Variants in ASXL1 observed in about 807,000 individuals in gnomAD.
The protein encoded by ASXL1 is polycomb group protein ASXL1.
A neutral mutation model predicts 89.1 loss-of-function variants in ASXL1; 65 were observed. The ratio of observed to expected loss-of-function variants is 0.73; its 90% confidence interval spans 0.60 to 0.90. The LOEUF (loss-of-function observed/expected upper bound fraction) is 0.90. Ranked by LOEUF, ASXL1 falls within the 40% of genes least tolerant of loss-of-function variation. The pLI, the probability that ASXL1 is intolerant of heterozygous loss-of-function variation, is 0.00. For missense variants in ASXL1, 1,786 were observed against 1,942.9 expected, an observed-to-expected ratio of 0.92 and a Z score of 1.52; for synonymous variants, 739 against 746.9, an observed-to-expected ratio of 0.99 and a Z score of 0.17.
In ASXL1 at chr20:32,435,007, G is replaced by C. The variant is rs1454403161; in HGVS notation, c.2295G>C (p.Leu765=). ...AGCCATGCCAGGCCTTGCCCCTACT[G>C]TCCTCCCAAACCTCAGTAGCTGAGA... ...GDQPCQALPL[L]SSQTSVAERL... Residue 765 remains leucine, a synonymous_variant, in exon 13 of 13, where the codon CTG becomes CTC. Coordinates refer to ENST00000375687, the MANE Select transcript of ASXL1 (RefSeq NM_015338.6). The C allele has an allele frequency of 2.5e-6, 4 of 1,614,072 alleles. No homozygotes were observed. Among genetic ancestry groups the C allele is most frequent in the Non-Finnish European group, 1.7e-6 (2 of 1,180,048 alleles).
chr20:32,435,402 A>G lies in ASXL1; in HGVS notation c.2690A>G (p.His897Arg), dbSNP rs750481621. Residue 897 changes from histidine to arginine, a missense_variant, in exon 13 of 13, where the codon CAT (histidine) becomes CGT (arginine). Coordinates refer to ENST00000375687, the MANE Select transcript of ASXL1 (RefSeq NM_015338.6). ...TKALVSNSSLHWIPIPSNDEV... is the reference protein window; with the variant it reads ...TKALVSNSSLRWIPIPSNDEV... ...GCTCTCGTTTCTAACAGTTCTTTGC[A>G]TTGGATACCCATCCCATCGAATGAT... is the stretch of plus-strand genomic sequence containing the variant. 1 of 1,614,190 alleles carries G rather than the reference A, an allele frequency of 6.2e-7. No individual in the cohort carries two copies. The highest frequency in any genetic ancestry group is 1.3e-5 in the African/African-American group (1 of 75,060).
intron 4 of ASXL1, among the ~76,000 whole-genome samples, chr20:32,418,182 A>T (rs897799873): frequency 1.1e-4 from 16 of 151,876 alleles, no homozygotes; most frequent in African/African-American, 3.6e-4. Context: ...TGTATCAAAA[A>T]AATAATAATA....
At chr20:32,424,733 T>A (rs1305945033) in intron 4 of ASXL1, among the ~76,000 whole-genome samples, 1 of 152,244 alleles carries the variant, frequency 6.6e-6, no homozygotes, top group Non-Finnish European at 1.5e-5. Context: ...CTGTACAGCT[T>A]TCTTTTAAAT....
At chr20:32,371,863 G>A in intron 4 of ASXL1, 1 of 434,842 alleles carries the variant, frequency 2.3e-6, no homozygotes, top group Non-Finnish European at 4.6e-6. Flanking sequence ...AAAGCACTGG[G>A]ATGGATTACA....
At chr20:32,364,141 A>G (rs939698369) in intron 1 of ASXL1, among the ~76,000 whole-genome samples, 1 of 152,168 alleles carries the variant, frequency 6.6e-6, no homozygotes, top group Non-Finnish European at 1.5e-5. Flanking sequence ...CCGGTGGGCC[A>G]GTGGACTTTG....
chr20:32,360,685 T>C (rs567829538), intron 1 of ASXL1: 1 of 160,406 alleles, frequency 6.2e-6, no homozygotes, highest in Non-Finnish European at 1.4e-5. Context: ...TAGTTGACTT[T>C]AGGAATTTGG....
intron 4 of ASXL1, among the ~76,000 whole-genome samples, chr20:32,422,339 A>T (rs958011383): frequency 2.0e-5 from 3 of 150,552 alleles, no homozygotes; most frequent in Non-Finnish European, 4.4e-5. Context: ...ACTTTAATTT[A>T]AAAAAATAGG....
chr20:32,412,459 G>C (rs2049064738), intron 4 of ASXL1, among the ~76,000 whole-genome samples: 3 of 152,086 alleles, frequency 2.0e-5, no homozygotes, highest in Admixed American at 2.0e-4. Flanking sequence ...ATCTGTCCTT[G>C]TGCCCCTTCA....
rs2011464141 is a variant in ASXL1 at position 32,429,848 on chromosome 20, G to C, written c.566-53G>C. On this transcript the variant is annotated intron_variant, in intron 7 of 12. Transcript: ENST00000375687. The surrounding 1 kb of genome is among the most constrained non-coding windows in gnomAD (Gnocchi z 4.9). ...CTGGGAGAAATGAGCTTGTCTGAGA[G>C]CCATGGGCGCGGCTTGGTGATACTT... 4 of 1,596,252 alleles carry C rather than the reference G, an allele frequency of 2.5e-6. No individual in the cohort carries two copies. The South Asian group carries it at 4.4e-5, about 18-fold the overall frequency.
chr20:32,435,524 C>G lies in ASXL1; in HGVS notation c.2812C>G (p.Pro938Ala). The G allele has an allele frequency of 6.2e-7, 1 of 1,614,056 alleles. No homozygotes were observed. Among genetic ancestry groups the G allele is most frequent in the Non-Finnish European group, 8.5e-7 (1 of 1,180,036 alleles). Residue 938 changes from proline (P) to alanine (A), a missense_variant, in exon 13 of 13, where the codon CCT (proline) becomes GCT (alanine). By Grantham distance (27) the Pro-to-Ala change is conservative. Around this residue, in one of 3 missense-constraint regions of ASXL1, gnomAD observed 1,418 missense variants for 1,427.8 expected, o/e 0.99. Transcript: ENST00000375687. ...GTGGGAGAAAGCTGCTCCCACCCCT[C>G]CTGCATTGCCTGGGGATTTGACAGC... ...EEWEKAAPTP[P>A]ALPGDLTAEE...
rs757110996 is a variant in ASXL1, at chr20:32,433,796, C to T, written c.1598C>T (p.Ala533Val). ...KRKSFEQAAS[A>V]SFPEKKPRLE... is the part of the protein sequence containing the mutation. ...AAATCCTTTGAGCAGGCGGCCTCTG[C>T]ATCCTTTCCCGAAAAGAAGCCCCGG... The change falls in exon 12 of 13, where the codon GCA becomes GTA. Residue 533 changes from alanine to valine, a missense_variant. This residue lies in a region of ASXL1 where 1,418 missense variants were observed against 1,427.8 expected (regional missense o/e 0.99). Coordinates refer to ENST00000375687, the MANE Select transcript of ASXL1 (RefSeq NM_015338.6). The T allele has an allele frequency of 6.2e-7, 1 of 1,614,220 alleles. No homozygotes were observed. Among genetic ancestry groups the T allele is most frequent in the Non-Finnish European group, 8.5e-7 (1 of 1,180,048 alleles).
At chr20:32,358,908 G>A (rs2048059518) in intron 1 of ASXL1, 76 bp downstream of exon 1, 2 of 1,389,594 alleles carry the variant, frequency 1.4e-6, no homozygotes, top group African/African-American at 1.5e-5. Flanking sequence ...CCACTGGGGG[G>A]GGAGGGGCAA....
At position 32,436,218 on chromosome 20, in the gene ASXL1, C is replaced by A. The variant is rs1212204313; in HGVS notation, c.3506C>A (p.Ser1169Tyr). 3 of 1,614,244 alleles carry A rather than the reference C, an allele frequency of 1.9e-6. No homozygotes were observed. Among genetic ancestry groups the A allele is most frequent in the Non-Finnish European group, 8.5e-7 (1 of 1,180,054 alleles). The change falls in exon 13 of 13, where the codon TCT becomes TAT. Residue 1169 changes from serine to tyrosine, a missense_variant. Ser to Tyr is a moderately radical substitution (Grantham distance 144, BLOSUM62 -2). This residue lies in a region of ASXL1 where 1,418 missense variants were observed against 1,427.8 expected (regional missense o/e 0.99). Transcript: ENST00000375687. ...SGMVDGSSPS[S>Y]LRALKEPLLP... ...ATGGTTGATGGAAGCAGCCCCAGTT[C>A]TTTAAGGGCTTTGAAGGAGCCTCTT...
In ASXL1 at chr20:32,438,652, C is replaced by T. The variant is rs2012060782; in HGVS notation, c.*1314C>T. The T allele has an allele frequency of 8.6e-6, 2 of 233,594 alleles. No homozygotes were observed. The highest frequency in any genetic ancestry group is 2.2e-5 in the African/African-American group (1 of 45,354). The allele number at this position is 233,594 out of a possible 1,614,324, so 14.5% of individuals were successfully genotyped here. ...GCCATATGTGACAAATCACCACCACCAGTGTTAAGTGCTTCTGGATTCATG... is the reference window on the plus strand; with the variant it reads ...GCCATATGTGACAAATCACCACCACTAGTGTTAAGTGCTTCTGGATTCATG... On this transcript the variant is annotated 3_prime_UTR_variant, in exon 13 of 13. Coordinates refer to ENST00000375687, the MANE Select transcript of ASXL1 (RefSeq NM_015338.6).
At chr20:32,389,074 C>T (rs1054509254) in intron 4 of ASXL1, among the ~76,000 whole-genome samples, 3 of 151,992 alleles carry the variant, frequency 2.0e-5, no homozygotes, top group Non-Finnish European at 2.9e-5. Context: ...TTTTCCTTTC[C>T]CTCACTGCTT....
At position 32,435,532 on chromosome 20, in the gene ASXL1, G is replaced by A. The variant is rs201554973; in HGVS notation, c.2820G>A (p.Leu940=). 141 of 1,613,944 alleles carry A rather than the reference G, an allele frequency of 8.7e-5. No individual in the cohort carries two copies. Among genetic ancestry groups the A allele is most frequent in the Non-Finnish European group, 1.2e-4 (139 of 1,180,044 alleles). ...WEKAAPTPPA[L]PGDLTAEEGL... ...AAGCTGCTCCCACCCCTCCTGCATTGCCTGGGGATTTGACAGCTGAGGAGG... is the reference window on the plus strand; with the variant it reads ...AAGCTGCTCCCACCCCTCCTGCATTACCTGGGGATTTGACAGCTGAGGAGG... Residue 940 remains leucine, a synonymous_variant, in exon 13 of 13, where the codon TTG becomes TTA. Coordinates refer to ENST00000375687, the MANE Select transcript of ASXL1 (RefSeq NM_015338.6).
At chr20:32,391,575 G>A (rs1003417469) in intron 4 of ASXL1, among the ~76,000 whole-genome samples, 1 of 152,086 alleles carries the variant, frequency 6.6e-6, no homozygotes, top group African/African-American at 2.4e-5. Flanking sequence ...CTGCAGCCTC[G>A]ATCTTCCAGG....
chr20:32,384,854 A>G (rs1569264655), intron 4 of ASXL1, among the ~76,000 whole-genome samples: 1 of 150,714 alleles, frequency 6.6e-6, no homozygotes, highest in Non-Finnish European at 1.5e-5. Flanking sequence ...CTAAAGATGT[A>G]TTTTTTTTTG....
intron 4 of ASXL1, among the ~76,000 whole-genome samples, chr20:32,401,592 G>A (rs1316602220): frequency 4.7e-5 from 6 of 127,906 alleles, no homozygotes; most frequent in East Asian, 2.3e-4. Context: ...TCTCACTCTC[G>A]TCACCCAGAC....
Sources: allele counts gnomAD v4.1 joint callset (sites outside exome capture counted in the v4.1 genomes callset), GRCh38; gene constraint gnomAD v4.1.1; regional missense constraint gnomAD v4.1.1; non-coding constraint Gnocchi (gnomAD v3.1); transcripts MANE v1.5; gene names NCBI Gene and HGNC (gene_info 2026-07-23, HGNC 2026-07-21).